Variants in PCED1B observed in about 807,000 individuals in gnomAD.
The protein encoded by PCED1B is PC-esterase domain-containing protein 1B.
For missense variants in PCED1B, 573 were observed against 573.9 expected, an observed-to-expected ratio of 1.00 and a Z score of 0.02; for synonymous variants, 251 against 246.1, an observed-to-expected ratio of 1.02 and a Z score of -0.19.
intron 1 of PCED1B, among the ~76,000 whole-genome samples, chr12:47,088,707 T>C (rs1302469950): frequency 6.6e-6 from 1 of 152,222 alleles, no homozygotes; most frequent in African/African-American, 2.4e-5. Flanking sequence ...GCAGCTGTTG[T>C]ATAGAAGAGG....
At chr12:47,119,863 A>G (rs1023862095) in intron 2 of PCED1B, among the ~76,000 whole-genome samples, 5 of 151,730 alleles carry the variant, frequency 3.3e-5, no homozygotes, top group African/African-American at 1.2e-4. Flanking sequence ...TACTTGGGGG[A>G]GGCTGAGGCA....
At chr12:47,209,868 G>GTAGTTTA (rs1565602798) in intron 2 of PCED1B, 1 of 152,270 alleles carries the variant, frequency 6.6e-6, no homozygotes, top group African/African-American at 2.4e-5. Context: ...TTTAGAGAAC[G>GTAGTTTA]GATTGGAAGA....
intron 2 of PCED1B, among the ~76,000 whole-genome samples, chr12:47,177,811 C>T (rs926634896): frequency 4.6e-5 from 7 of 151,962 alleles, no homozygotes; most frequent in East Asian, 3.9e-4. Flanking sequence ...AAAATTAACC[C>T]GGTATGGTGG....
Position 47,136,371 on chromosome 12 carries a change from C to T in PCED1B, c.-526+32176C>T, listed in dbSNP as rs142417352. ...TTAACAGATAGACTTCTTAAGCCCT[C>T]TTATGCAAAGAATTTCAGGCTGATT... On this transcript the variant is annotated intron_variant, in intron 2 of 3. Coordinates refer to ENST00000546455, the MANE Select transcript of PCED1B (RefSeq NM_138371.3). Among the ~76,000 whole-genome samples the T allele has an allele frequency of 3.3e-5, 5 of 152,200 alleles. No homozygotes were observed. The East Asian group carries it at 9.7e-4, about 29-fold the overall frequency.
intron 2 of PCED1B, among the ~76,000 whole-genome samples, chr12:47,125,560 T>G (rs752789007): frequency 1.3e-5 from 2 of 152,052 alleles, no homozygotes; most frequent in African/African-American, 4.8e-5. Context: ...GCTGGGTACA[T>G]GATTGAGATT....
chr12:47,185,223 T>C (rs1942217044), intron 2 of PCED1B, among the ~76,000 whole-genome samples: 1 of 152,176 alleles, frequency 6.6e-6, no homozygotes, highest in Non-Finnish European at 1.5e-5. Context: ...GCAAATGTAA[T>C]TAGTTAAGAT....
chr12:47,152,701 C>A (rs754497173), intron 2 of PCED1B, among the ~76,000 whole-genome samples: 35 of 151,678 alleles, frequency 2.3e-4, no homozygotes, highest in Non-Finnish European at 4.0e-4. Context: ...GAGTCCGAGG[C>A]AGGTGGATCA....
In PCED1B at chr12:47,235,235, C is replaced by A; in HGVS notation, c.172C>A (p.Gln58Lys). ...AGCAAGGGGGGAGCTGAACTTCGAA[C>A]AAGATGAGCTGGTGGACGGAGGCCA... ...LRARGELNFE[Q>K]DELVDGGQRG... Residue 58 changes from glutamine (Q) to lysine (K), a missense_variant, in exon 4 of 4, where the codon CAA becomes AAA. Gln to Lys is a moderately conservative substitution (Grantham distance 53). Coordinates refer to ENST00000546455, the MANE Select transcript of PCED1B (RefSeq NM_138371.3). The A allele has an allele frequency of 1.9e-6, 3 of 1,612,202 alleles. No homozygotes were observed. The highest frequency in any genetic ancestry group is 2.2e-5 in the East Asian group (1 of 44,872).
intron 2 of PCED1B, among the ~76,000 whole-genome samples, chr12:47,114,229 C>G (rs1939324764): frequency 6.6e-6 from 1 of 152,162 alleles, no homozygotes; most frequent in Admixed American, 6.5e-5. Context: ...ATCTTTTACA[C>G]TTTTATCTTC....
At chr12:47,092,728 G>A (rs1938320741) in intron 1 of PCED1B, among the ~76,000 whole-genome samples, 1 of 152,052 alleles carries the variant, frequency 6.6e-6, no homozygotes, top group Admixed American at 6.5e-5. Flanking sequence ...ACAAATGGAT[G>A]TTGAATTTAT....
chr12:47,181,339 G>C (rs1942088716), intron 2 of PCED1B, among the ~76,000 whole-genome samples: 1 of 151,184 alleles, frequency 6.6e-6, no homozygotes, highest in Non-Finnish European at 1.5e-5. Context: ...ATATATATTA[G>C]AAAGAATATT....
At chr12:47,166,589 A>G (rs1400032428) in intron 2 of PCED1B, among the ~76,000 whole-genome samples, 1 of 152,212 alleles carries the variant, frequency 6.6e-6, no homozygotes, top group East Asian at 1.9e-4. Context: ...GTGATTTACA[A>G]TCCAGTCTTA....
rs1943989788 is a variant in PCED1B at position 47,236,377 on chromosome 12, T to G, written c.*15T>G. 6.5e-7 allele frequency: 1 copy of G among 1,532,290 alleles called. No individual in the cohort carries two copies. Among genetic ancestry groups the G allele is most frequent in the Non-Finnish European group, 8.8e-7 (1 of 1,141,804 alleles). The allele number at this position is 1,532,290 out of a possible 1,614,324, so 94.9% of individuals were successfully genotyped here. A position where few individuals can be genotyped will look rare whatever the true frequency, so the allele number is the denominator to read the frequency against. ...GGCCTCAATAGACGGACCTAGGCCT[T>G]ATTTCCTCTTTATGAACATGGATTG... On this transcript the variant is annotated 3_prime_UTR_variant, in exon 4 of 4. Transcript: ENST00000546455.
intron 2 of PCED1B, among the ~76,000 whole-genome samples, chr12:47,197,880 A>G (rs985320006): frequency 5.9e-5 from 9 of 152,198 alleles, no homozygotes; most frequent in African/African-American, 2.2e-4. Flanking sequence ...AATATATATT[A>G]AAGAAATTTA....
chr12:47,165,604 G>A (rs1941520545), intron 2 of PCED1B, among the ~76,000 whole-genome samples: 1 of 152,144 alleles, frequency 6.6e-6, no homozygotes, highest in Non-Finnish European at 1.5e-5. Flanking sequence ...TTGTTCAAAT[G>A]TCTATATAGG....
rs770712364 is a variant in PCED1B at position 47,235,888 on chromosome 12, C to T, written c.825C>T (p.Val275=). ...WIKKKKPGPR[V]EGPPQANRNH... ...AGAAGAAAAAACCTGGCCCGAGAGT[C>T]GAAGGGCCGCCCCAGGCCAACAGAA... Residue 275 remains valine (V), a synonymous_variant, in exon 4 of 4, where the codon GTC becomes GTT. Transcript: ENST00000546455. 1.3e-6 allele frequency: 2 copies of T among 1,593,462 alleles called. No individual in the cohort carries two copies. The highest frequency in any genetic ancestry group is 2.3e-5 in the East Asian group (1 of 43,618).
chr12:47,176,577 G>A (rs1180800743), intron 2 of PCED1B, among the ~76,000 whole-genome samples: 2 of 152,194 alleles, frequency 1.3e-5, no homozygotes, highest in Non-Finnish European at 2.9e-5. Flanking sequence ...CTGTTCATTT[G>A]TATCTCTTAA....
chr12:47,081,962 A>G (rs573043144), intron 1 of PCED1B, among the ~76,000 whole-genome samples: 9 of 152,358 alleles, frequency 5.9e-5, no homozygotes, highest in Non-Finnish European at 2.9e-5. Context: ...CTCAAAATCC[A>G]TAGACAAGGC....
At position 47,179,360 on chromosome 12, in the gene PCED1B, T is replaced by C. The variant is rs145874956; in HGVS notation, c.-525-36862T>C. ...GACATACTAGCTGAGGGGGAGATTT[T>C]CATAAAGCTTTTCTATCAAATGCAA... On this transcript the variant is annotated intron_variant, in intron 2 of 3. Transcript: ENST00000546455. 5.3e-5 allele frequency among the ~76,000 whole-genome samples: 8 copies of C among 152,356 alleles called. 1 individual carries two copies. The highest frequency in any genetic ancestry group is 1.7e-4 in the African/African-American group (7 of 41,588).
Sources: gnomAD v4.1 joint callset for allele counts (sites outside exome capture counted in the v4.1 genomes callset) on GRCh38, gnomAD v4.1.1 for gene constraint, MANE v1.5 for transcripts, NCBI Gene and HGNC (gene_info 2026-07-23, HGNC 2026-07-21) for gene names.